PLXNA4: variants seen among roughly 807,000 people sequenced by gnomAD.
PLXNA4 encodes the protein plexin-A4.
A neutral mutation model predicts 191.8 loss-of-function variants in PLXNA4; 44 were observed. The observed-to-expected ratio is 0.23, with a 90% CI of 0.18 to 0.29. The LOEUF is 0.29. Among genes scored for constraint, PLXNA4 ranks in the 10% least tolerant of loss-of-function variants. The pLI, the probability that PLXNA4 is intolerant of heterozygous loss-of-function variation, is 1.00. For synonymous variants in PLXNA4, 1,082 were observed against 1,009.5 expected (o/e 1.07, Z -1.36); for missense variants, 1,800 against 2,488.8 (o/e 0.72, Z 5.89).
intron 3 of PLXNA4, among the ~76,000 whole-genome samples, chr7:132,454,616 G>C: frequency 6.6e-6 from 1 of 152,054 alleles, no homozygotes; most frequent in East Asian, 1.9e-4. Context: ...CTCTGAATGT[G>C]ACTGTATTTG....
At chr7:132,584,852 T>G (rs1802478468) in intron 2 of PLXNA4, among the ~76,000 whole-genome samples, 1 of 152,198 alleles carries the variant, frequency 6.6e-6, no homozygotes, top group South Asian at 2.1e-4. Context: ...CAAAAAAAAC[T>G]GCTGCTAAAA....
At chr7:132,516,017 G>GTGAA (rs1166388855) in intron 1 of PLXNA4, among the ~76,000 whole-genome samples, 10 of 152,090 alleles carry the variant, frequency 6.6e-5, no homozygotes, top group African/African-American at 1.2e-4. Flanking sequence ...TTGGAAACAC[G>GTGAA]TGAATGAATG....
At chr7:132,204,180 C>T (rs894790032) in intron 10 of PLXNA4, among the ~76,000 whole-genome samples, 1 of 152,196 alleles carries the variant, frequency 6.6e-6, no homozygotes, top group Non-Finnish European at 1.5e-5. Flanking sequence ...GGGTCCTGCT[C>T]CCCTACCTGG....
chr7:132,513,275 AT>A (rs1413339080), intron 1 of PLXNA4, among the ~76,000 whole-genome samples: 2 of 152,348 alleles, frequency 1.3e-5, no homozygotes, highest in East Asian at 3.9e-4. Flanking sequence ...TAAAATAGCA[AT>A]TACCCTGTGA....
chr7:132,373,678 G>C (rs528299662), intron 3 of PLXNA4, among the ~76,000 whole-genome samples: 8 of 152,290 alleles, frequency 5.3e-5, no homozygotes, highest in African/African-American at 1.9e-4. Flanking sequence ...GCTCTTGGAT[G>C]GTTTGGCTAC....
intron 3 of PLXNA4, among the ~76,000 whole-genome samples, chr7:132,460,495 C>T (rs6960543): frequency 0.026 from 3,930 of 152,200 alleles, 113 homozygotes; most frequent in African/African-American, 0.074. Flanking sequence ...TCTCAAGTGA[C>T]AGCTTCATAG....
intron 2 of PLXNA4, among the ~76,000 whole-genome samples, chr7:132,620,738 T>C (rs1803243733): frequency 6.6e-6 from 1 of 152,256 alleles, no homozygotes; most frequent in South Asian, 2.1e-4. Flanking sequence ...TTGGAATATG[T>C]CTTAAAGCCC....
At chr7:132,501,095 C>CAT (rs1554453968) in intron 2 of PLXNA4, among the ~76,000 whole-genome samples, 2 of 151,582 alleles carry the variant, frequency 1.3e-5, no homozygotes, top group African/African-American at 4.9e-5. Flanking sequence ...CTGCATGAGG[C>CAT]GTGTGTGTGT....
chr7:132,499,730 T>C (rs1297865155), intron 2 of PLXNA4, among the ~76,000 whole-genome samples: 1 of 152,182 alleles, frequency 6.6e-6, no homozygotes, highest in Non-Finnish European at 1.5e-5. Context: ...TAAATTTTAT[T>C]AGCCCCACTC....
chr7:132,610,017 G>A lies in PLXNA4; in HGVS notation c.-87+35911C>T, dbSNP rs564223446. 2.3e-4 allele frequency among the ~76,000 whole-genome samples: 35 copies of A among 152,322 alleles called. No homozygotes were observed. In the South Asian group the frequency reaches 7.3e-3, roughly 32 times the overall value. On this transcript the variant is annotated intron_variant, in intron 2 of 4. Transcript: ENST00000378539. ...ATCCACCATCTGCCTGCTTGAACTA[G>A]TGAAACCAGGGTGAGTTGTAATTAT...
intron 3 of PLXNA4, among the ~76,000 whole-genome samples, chr7:132,465,741 C>T (rs1796676512): frequency 1.3e-5 from 2 of 152,130 alleles, no homozygotes; most frequent in Middle Eastern, 6.8e-3. Context: ...TGTGTTATCA[C>T]AAACTTGGAA....
At chr7:132,630,218 C>T (rs1051563865) in intron 2 of PLXNA4, among the ~76,000 whole-genome samples, 1 of 152,138 alleles carries the variant, frequency 6.6e-6, no homozygotes, top group Non-Finnish European at 1.5e-5. Context: ...CTCATTTAAC[C>T]TTACTTGTCT....
intron 2 of PLXNA4, among the ~76,000 whole-genome samples, chr7:132,607,244 C>T (rs906215512): frequency 5.3e-5 from 8 of 152,202 alleles, no homozygotes; most frequent in African/African-American, 7.2e-5. Context: ...GCCTTCTGAG[C>T]GTGGTTTCAA....
intron 1 of PLXNA4, among the ~76,000 whole-genome samples, chr7:132,561,704 T>TTCCTCCTCCTCCTCCTCCTCCTCCTCC: frequency 1.7e-5 from 1 of 60,306 alleles, no homozygotes; most frequent in Non-Finnish European, 3.4e-5. Flanking sequence ...CCTCCTACTC[T>TTCCTCCTCCTCCTCCTCCTCCTCCTCC]TCCTCCTCCT....
intron 29 of PLXNA4, 23 bp downstream of exon 29, chr7:132,145,096 C>T (rs1440699072): frequency 6.2e-7 from 1 of 1,613,246 alleles, no homozygotes; most frequent in African/African-American, 1.3e-5. Context: ...TCCCGATGTG[C>T]CCCCTGCCCT....
rs1254581460 is a variant in PLXNA4 at position 132,519,736 on chromosome 7, A to G, written c.-86-10957T>C. Among the ~76,000 whole-genome samples, 3 of 152,192 alleles carry G rather than the reference A, an allele frequency of 2.0e-5. No homozygotes were observed. In the East Asian group the frequency reaches 5.8e-4, roughly 29 times the overall value. ...GGAAGAAGTGGGATGTTTTTGGCTCACAGCCAGTCATGCATCAGCCAGTGT... is the reference window on the plus strand; with the variant it reads ...GGAAGAAGTGGGATGTTTTTGGCTCGCAGCCAGTCATGCATCAGCCAGTGT... On this transcript the variant is annotated intron_variant, in intron 1 of 31. Coordinates refer to ENST00000321063, the MANE Select transcript of PLXNA4 (RefSeq NM_020911.2).
intron 4 of PLXNA4, among the ~76,000 whole-genome samples, chr7:132,287,891 G>A (rs1800743198): frequency 6.6e-6 from 1 of 152,184 alleles, no homozygotes; most frequent in South Asian, 2.1e-4. Context: ...CCTTCATGGG[G>A]CCGAGGCTGG....
intron 24 of PLXNA4, among the ~76,000 whole-genome samples, chr7:132,162,365 C>T (rs1412676222): frequency 6.6e-6 from 1 of 152,230 alleles, no homozygotes; most frequent in Non-Finnish European, 1.5e-5. Context: ...TAAATGGATA[C>T]TGGTCCCTGA....
chr7:132,158,459 C>T (rs949961533), intron 25 of PLXNA4, among the ~76,000 whole-genome samples: 3 of 152,190 alleles, frequency 2.0e-5, no homozygotes, highest in Non-Finnish European at 2.9e-5. Flanking sequence ...CTTCTCCCTC[C>T]ATGGCCAGCA....
Sources: allele counts gnomAD v4.1 joint callset (sites outside exome capture counted in the v4.1 genomes callset), GRCh38; gene constraint gnomAD v4.1.1; transcripts MANE v1.5; gene names NCBI Gene and HGNC (gene_info 2026-07-23, HGNC 2026-07-21).